Variants in INPP5F observed in about 807,000 individuals in gnomAD.
INPP5F encodes the protein inositol polyphosphate-5-phosphatase F.
A neutral mutation model predicts 137.2 loss-of-function variants in INPP5F; 97 were observed. The ratio of observed to expected loss-of-function variants is 0.71; its 90% CI spans 0.60 to 0.84. The LOEUF (loss-of-function observed/expected upper bound fraction) is 0.84. Among genes scored for constraint, INPP5F ranks in the 40% least tolerant of loss-of-function variants. The pLI is 0.00. For missense variants in INPP5F, 1,271 were observed against 1,371.9 expected, an observed-to-expected ratio of 0.93 and a Z score of 1.16; for synonymous variants, 504 against 476.9, an observed-to-expected ratio of 1.06 and a Z score of -0.74.
In INPP5F at chr10:119,792,190, A is replaced by G; in HGVS notation, c.646A>G (p.Ile216Val). 1.2e-6 allele frequency: 2 copies of G among 1,613,474 alleles called. No individual in the cohort carries two copies. The highest frequency in any genetic ancestry group is 1.7e-6 in the Non-Finnish European group (2 of 1,179,354). Residue 216 changes from isoleucine to valine, a missense_variant, in exon 6 of 20, where the codon ATA (isoleucine) becomes GTA (valine). Coordinates refer to ENST00000650623, the MANE Select transcript of INPP5F (RefSeq NM_014937.4). ...CCGATTTTTTTGGAATAAATACATGATACAAGATCTTACTGAGATTGGTGT... is the reference window on the plus strand; with the variant it reads ...CCGATTTTTTTGGAATAAATACATGGTACAAGATCTTACTGAGATTGGTGT... ...DDRFFWNKYMIQDLTEIGTPD... is the reference protein window; with the variant it reads ...DDRFFWNKYMVQDLTEIGTPD...
intron 9 of INPP5F, among the ~76,000 whole-genome samples, chr10:119,800,392 GA>G (rs35460473): frequency 2.5e-3 from 294 of 117,500 alleles, no homozygotes; most frequent in East Asian, 5.9e-3. Context: ...TGTCTCTACT[GA>G]AAAAAAAAAA....
intron 9 of INPP5F, 113 bp downstream of exon 9, chr10:119,798,723 G>T: frequency 8.3e-5 from 32 of 384,654 alleles, no homozygotes; most frequent in Admixed American, 1.7e-4. Flanking sequence ...TTGTCATGAA[G>T]TTTAACACAT....
chr10:119,800,778 T>C (rs1003813333), intron 9 of INPP5F, among the ~76,000 whole-genome samples: 22 of 151,748 alleles, frequency 1.4e-4, no homozygotes, highest in African/African-American at 5.3e-4. Context: ...GGAGAAATCC[T>C]TTCTCTACTA....
At chr10:119,825,164 T>C (rs4752345) in intron 19 of INPP5F, among the ~76,000 whole-genome samples, 45,637 of 152,162 alleles carry the variant, frequency 0.3, 7,036 homozygotes, top group Middle Eastern at 0.34. Context: ...GAATTTTGGT[T>C]GCTAAGCATT....
At chr10:119,785,535 C>CGAGAGAGAGAGAGAGA (rs59804262) in intron 3 of INPP5F, among the ~76,000 whole-genome samples, 2,027 of 93,542 alleles carry the variant, frequency 0.022, 203 homozygotes, top group Non-Finnish European at 0.027. Flanking sequence ...GTGATCCGCT[C>CGAGAGAGAGAGAGAGA]GAGAGAGAGA....
At chr10:119,771,840 A>T (rs1310809885) in intron 2 of INPP5F, among the ~76,000 whole-genome samples, 1 of 89,230 alleles carries the variant, frequency 1.1e-5, no homozygotes, top group Non-Finnish European at 2.2e-5. Context: ...TCCATAAAGT[A>T]TGGAGATATA....
intron 2 of INPP5F, chr10:119,768,375 ACGGC>A (rs1849237574): frequency 1.3e-5 from 2 of 152,314 alleles, no homozygotes; most frequent in South Asian, 4.1e-4. Flanking sequence ...GACATCAAAT[ACGGC>A]AGCCTCTTGG....
intron 2 of INPP5F, among the ~76,000 whole-genome samples, chr10:119,781,402 G>T (rs942871767): frequency 6.6e-6 from 1 of 152,222 alleles, no homozygotes; most frequent in Non-Finnish European, 1.5e-5. Context: ...TCTGATGGGT[G>T]AGCATGGTGT....
chr10:119,781,859 C>G, intron 3 of INPP5F, 88 bp downstream of exon 3: 1 of 1,058,740 alleles, frequency 9.4e-7, no homozygotes. Flanking sequence ...CAGAAACTTA[C>G]ATTTTTAGAG....
intron 1 of INPP5F, among the ~76,000 whole-genome samples, chr10:119,730,751 T>C (rs1172729547): frequency 1.3e-5 from 2 of 151,772 alleles, no homozygotes; most frequent in Non-Finnish European, 2.9e-5. Context: ...ATAGAAACTG[T>C]ATATGGAAAG....
chr10:119,811,283 C>G (rs61867945), intron 14 of INPP5F, among the ~76,000 whole-genome samples: 1 of 152,072 alleles, frequency 6.6e-6, no homozygotes. Flanking sequence ...GAAGCCTCCT[C>G]GAGTGTCATT....
At chr10:119,776,947 C>T (rs895771310) in intron 2 of INPP5F, among the ~76,000 whole-genome samples, 3 of 152,026 alleles carry the variant, frequency 2.0e-5, no homozygotes, top group East Asian at 3.9e-4. Context: ...GATGGGGTTT[C>T]GCCATGTTGC....
chr10:119,786,210 G>A (rs1429802342), intron 3 of INPP5F, among the ~76,000 whole-genome samples: 1 of 152,174 alleles, frequency 6.6e-6, no homozygotes, highest in Non-Finnish European at 1.5e-5. Context: ...TAAAAACTAG[G>A]GAAGTGCTGT....
intron 1 of INPP5F, among the ~76,000 whole-genome samples, chr10:119,732,619 G>A (rs940594754): frequency 4.0e-5 from 6 of 149,004 alleles, no homozygotes; most frequent in African/African-American, 1.5e-4. Flanking sequence ...CTCTGCCTCA[G>A]CCTCCTGAGT....
intron 15 of INPP5F, among the ~76,000 whole-genome samples, chr10:119,818,037 A>C (rs1209886186): frequency 6.6e-6 from 1 of 152,228 alleles, no homozygotes; most frequent in Non-Finnish European, 1.5e-5. Context: ...GGCCTAGGGC[A>C]TTGGTCGCCG....
Position 119,787,655 on chromosome 10 carries a change from G to A in INPP5F, c.316-3862G>A, listed in dbSNP as rs1279122525. The stretch of plus-strand genomic sequence containing the variant: ...GGAGGGGAAGGGGAGGAGGAAGGGA[G>A]GAAGGCAGGCAGGCAGGCAGGAAGG... On this transcript the variant is annotated intron_variant, in intron 3 of 19. Transcript: ENST00000650623. The surrounding 1 kb of genome is among the most constrained non-coding windows in gnomAD (Gnocchi z 4.1). Among the ~76,000 whole-genome samples, 1 of 151,934 alleles carries A rather than the reference G, an allele frequency of 6.6e-6. No individual in the cohort carries two copies. Among genetic ancestry groups the A allele is most frequent in the Non-Finnish European group, 1.5e-5 (1 of 67,972 alleles).
intron 1 of INPP5F, among the ~76,000 whole-genome samples, chr10:119,744,756 A>G (rs1848480221): frequency 6.6e-6 from 1 of 152,056 alleles, no homozygotes; most frequent in Admixed American, 6.5e-5. Context: ...GTCTTGCCCA[A>G]GCTGGTCTCA....
chr10:119,776,048 C>T (rs1849512285), intron 2 of INPP5F, among the ~76,000 whole-genome samples: 1 of 152,114 alleles, frequency 6.6e-6, no homozygotes, highest in Non-Finnish European at 1.5e-5. Flanking sequence ...AGCTTTATCC[C>T]AGTTTTCATA....
intron 2 of INPP5F, among the ~76,000 whole-genome samples, chr10:119,757,927 C>A (rs1382372621): frequency 6.6e-6 from 1 of 152,148 alleles, no homozygotes; most frequent in Non-Finnish European, 1.5e-5. Flanking sequence ...TTCTGCTTAC[C>A]TGCTGTGTCT....
Sources: allele counts gnomAD v4.1 joint callset (sites outside exome capture counted in the v4.1 genomes callset), GRCh38; gene constraint gnomAD v4.1.1; non-coding constraint Gnocchi (gnomAD v3.1); transcripts MANE v1.5; gene names NCBI Gene and HGNC (gene_info 2026-07-23, HGNC 2026-07-21).